ERC2: variants seen among roughly 807,000 people sequenced by gnomAD.
ERC2 encodes the protein ERC protein 2.
A neutral mutation model predicts 114.8 loss-of-function variants in ERC2; 42 were observed. That is an observed-to-expected ratio of 0.37 (90% CI 0.29 to 0.47). The LOEUF is 0.47. ERC2 is among the 20% of genes least tolerant of loss of function. The probability of loss-of-function intolerance (pLI) is 0.99; values close to 1 mark genes in which losing one functional copy is unlikely to be tolerated. For synonymous variants in ERC2, 454 were observed against 425.5 expected (o/e 1.07, Z -0.82); for missense variants, 939 against 1,150.7 (o/e 0.82, Z 2.66).
intron 17 of ERC2, among the ~76,000 whole-genome samples, chr3:55,547,559 G>C (rs183263353): frequency 1.3e-5 from 2 of 152,256 alleles, no homozygotes; most frequent in African/African-American, 4.8e-5. Context: ...CTCCTCTTTA[G>C]AATAATGAAG....
intron 2 of ERC2, among the ~76,000 whole-genome samples, chr3:56,411,213 C>A (rs1454112152): frequency 6.6e-6 from 1 of 151,266 alleles, no homozygotes; most frequent in African/African-American, 2.4e-5. Context: ...AGAAAAAAAA[C>A]TGAGATCTCT....
intron 13 of ERC2, among the ~76,000 whole-genome samples, chr3:55,916,652 C>G (rs947582771): frequency 1.3e-5 from 2 of 152,120 alleles, no homozygotes; most frequent in Non-Finnish European, 2.9e-5. Context: ...ACCCAGAGTT[C>G]GCCCATTCCA....
At chr3:56,021,283 C>A (rs1458301634) in intron 7 of ERC2, among the ~76,000 whole-genome samples, 1 of 151,990 alleles carries the variant, frequency 6.6e-6, no homozygotes, top group Non-Finnish European at 1.5e-5. Context: ...GTCTAGGAGG[C>A]AGAAGGAAGA....
intron 14 of ERC2, among the ~76,000 whole-genome samples, chr3:55,758,213 G>A (rs1484528246): frequency 6.6e-6 from 1 of 152,104 alleles, no homozygotes; most frequent in Non-Finnish European, 1.5e-5. Context: ...AAAATCTTTT[G>A]TGCAAAAAGC....
At chr3:56,031,715 G>A (rs747060753) in intron 7 of ERC2, among the ~76,000 whole-genome samples, 6 of 152,094 alleles carry the variant, frequency 3.9e-5, no homozygotes, top group Non-Finnish European at 8.8e-5. Flanking sequence ...AAAAACCTCA[G>A]TAAGCTACAA....
chr3:56,421,974 T>C (rs1014142211), intron 2 of ERC2, among the ~76,000 whole-genome samples: 1 of 152,172 alleles, frequency 6.6e-6, no homozygotes, highest in African/African-American at 2.4e-5. Context: ...AGGGGAAAGT[T>C]GCTGGCAGAG....
At chr3:56,323,525 G>A (rs4974196) in intron 2 of ERC2, among the ~76,000 whole-genome samples, 13,316 of 152,068 alleles carry the variant, frequency 0.088, 814 homozygotes, top group Admixed American at 0.15. Flanking sequence ...TAGAAGATAT[G>A]AGCAAAACTG....
intron 13 of ERC2, among the ~76,000 whole-genome samples, chr3:55,918,502 A>T (rs1386308441): frequency 1.3e-5 from 2 of 152,076 alleles, no homozygotes; most frequent in Admixed American, 1.3e-4. Context: ...AGATTAGAAA[A>T]ACATAACCAC....
chr3:56,032,899 GACAGAA>G (rs1242030867), intron 7 of ERC2, among the ~76,000 whole-genome samples: 1 of 81,800 alleles, frequency 1.2e-5, no homozygotes, highest in East Asian at 3.0e-4. Flanking sequence ...GAGAGAGAGA[GACAGAA>G]AGAAAGAAAG....
intron 1 of ERC2, among the ~76,000 whole-genome samples, chr3:56,438,397 A>G (rs771429551): frequency 6.6e-5 from 10 of 150,802 alleles, no homozygotes; most frequent in Admixed American, 5.3e-4. Flanking sequence ...TTGGTCAAGG[A>G]GATGGATTTG....
intron 14 of ERC2, among the ~76,000 whole-genome samples, chr3:55,757,763 C>T (rs1044877349): frequency 6.6e-6 from 1 of 151,846 alleles, no homozygotes; most frequent in African/African-American, 2.4e-5. Flanking sequence ...AGGTTATTAC[C>T]ACTTACATAA....
Position 55,611,528 on chromosome 3 carries a change from T to C in ERC2, c.*39+72266A>G, listed in dbSNP as rs1188382541. ...AAAAGATTTGGATTCTAGCAGTTTCTTTCTCTACAAGATCTAATGTCTGGA... is the reference window on the plus strand; with the variant it reads ...AAAAGATTTGGATTCTAGCAGTTTCCTTCTCTACAAGATCTAATGTCTGGA... On this transcript the variant is annotated intron_variant, in intron 17 of 17. Coordinates refer to ENST00000288221, the MANE Select transcript of ERC2 (RefSeq NM_015576.3). Among the ~76,000 whole-genome samples, 3 of 152,210 alleles carry C rather than the reference T, an allele frequency of 2.0e-5. No homozygotes were observed. In the East Asian group the frequency reaches 5.8e-4, roughly 29 times the overall value.
At chr3:55,834,264 T>C (rs1045390070) in intron 14 of ERC2, among the ~76,000 whole-genome samples, 2 of 152,140 alleles carry the variant, frequency 1.3e-5, no homozygotes, top group African/African-American at 4.8e-5. Flanking sequence ...GTGGACCTAA[T>C]AGACATCTAC....
chr3:55,573,493 TGCA>T (rs1229629076), intron 17 of ERC2, among the ~76,000 whole-genome samples: 1 of 152,142 alleles, frequency 6.6e-6, no homozygotes, highest in African/African-American at 2.4e-5. Context: ...TAGTGGGGTC[TGCA>T]GCAGCAGCAC....
chr3:55,551,460 T>C (rs1464336742), intron 17 of ERC2, among the ~76,000 whole-genome samples: 1 of 151,814 alleles, frequency 6.6e-6, no homozygotes, highest in South Asian at 2.1e-4. Flanking sequence ...AAGATGGAGG[T>C]TGCAGTGAGT....
At chr3:56,128,377 C>A (rs2080009352) in intron 6 of ERC2, among the ~76,000 whole-genome samples, 1 of 152,082 alleles carries the variant, frequency 6.6e-6, no homozygotes, top group Non-Finnish European at 1.5e-5. Flanking sequence ...CACCTAGGAC[C>A]ATGTAGGCAA....
chr3:56,270,316 T>C (rs770730035), intron 3 of ERC2, among the ~76,000 whole-genome samples: 47 of 151,806 alleles, frequency 3.1e-4, no homozygotes, highest in Non-Finnish European at 6.2e-4. Flanking sequence ...CCCAAGAGAG[T>C]AGATACTTCC....
intron 2 of ERC2, among the ~76,000 whole-genome samples, chr3:56,398,677 T>G (rs191398780): frequency 6.6e-6 from 1 of 152,260 alleles, no homozygotes; most frequent in Non-Finnish European, 1.5e-5. Context: ...CAGGCTGTAG[T>G]GCAGTAGCGG....
chr3:55,772,615 C>T (rs1011069895), intron 14 of ERC2, among the ~76,000 whole-genome samples: 2 of 152,172 alleles, frequency 1.3e-5, no homozygotes, highest in African/African-American at 4.8e-5. Context: ...TGTGCCTGGC[C>T]TATTTTATTT....
Sources: allele counts gnomAD v4.1 joint callset (sites outside exome capture counted in the v4.1 genomes callset), GRCh38; gene constraint gnomAD v4.1.1; transcripts MANE v1.5; gene names NCBI Gene and HGNC (gene_info 2026-07-23, HGNC 2026-07-21).